The following PEAK1 variants were observed in gnomAD, a reference collection of about 807,000 sequenced individuals.
The protein encoded by PEAK1 is inactive tyrosine-protein kinase PEAK1.
Under a neutral mutation model 124.7 loss-of-function variants are expected in PEAK1, and 54 were observed. That is an observed-to-expected ratio of 0.43 (90% CI 0.35 to 0.54). PEAK1 has a LOEUF of 0.54. PEAK1 is among the 20% of genes least tolerant of loss of function. The pLI is 0.01. For synonymous variants in PEAK1, 719 were observed against 760.0 expected, an observed-to-expected ratio of 0.95 and a Z score of 0.89; for missense variants, 2,046 against 2,134.5, an observed-to-expected ratio of 0.96 and a Z score of 0.82.
intron 8 of PEAK1, among the ~76,000 whole-genome samples, chr15:77,153,144 T>C (rs2054804693): frequency 6.6e-6 from 1 of 152,222 alleles, no homozygotes; most frequent in African/African-American, 2.4e-5. Context: ...TAGTAAGCTA[T>C]TGATTATTGC....
intron 1 of PEAK1, among the ~76,000 whole-genome samples, chr15:77,404,975 C>A (rs898131824): frequency 6.6e-6 from 1 of 152,006 alleles, no homozygotes; most frequent in African/African-American, 2.4e-5. Flanking sequence ...TAAACTACAT[C>A]CCTATTATAT....
Position 77,267,190 on chromosome 15 carries a change from AC to A in PEAK1, c.-274-14665del, listed in dbSNP as rs1011151744. Among the ~76,000 whole-genome samples, 3 of 151,998 alleles carry A rather than the reference AC, an allele frequency of 2.0e-5. No individual in the cohort carries two copies. The East Asian group carries it at 5.8e-4, about 29-fold the overall frequency. ...GTAATTGCATTGGCCTGGGAAACACACCCCCATCCCCTACAGCAGCCACATC... is the reference window on the plus strand; with the variant it reads ...GTAATTGCATTGGCCTGGGAAACACACCCCATCCCCTACAGCAGCCACATC... On this transcript the variant is annotated intron_variant, in intron 5 of 9. Coordinates refer to ENST00000682557, the MANE Select transcript of PEAK1 (RefSeq NM_001385026.1).
chr15:77,229,562 T>C (rs2059814431), intron 6 of PEAK1, among the ~76,000 whole-genome samples: 1 of 152,202 alleles, frequency 6.6e-6, no homozygotes, highest in African/African-American at 2.4e-5. Flanking sequence ...TCAACATTAA[T>C]AACTTCTCTC....
chr15:77,311,679 C>A (rs1490329530), intron 2 of PEAK1, among the ~76,000 whole-genome samples: 3 of 88,496 alleles, frequency 3.4e-5, no homozygotes, highest in Non-Finnish European at 4.5e-5. Flanking sequence ...ACCCCCCCAA[C>A]CCCCACAAAA....
intron 1 of PEAK1, among the ~76,000 whole-genome samples, chr15:77,391,322 T>C (rs1366432978): frequency 2.0e-5 from 3 of 152,048 alleles, no homozygotes; most frequent in Non-Finnish European, 2.9e-5. Flanking sequence ...CAGTATTTAC[T>C]GCAAGCTGCT....
At chr15:77,327,518 T>C (rs1429901834) in intron 2 of PEAK1, among the ~76,000 whole-genome samples, 1 of 152,116 alleles carries the variant, frequency 6.6e-6, no homozygotes, top group Non-Finnish European at 1.5e-5. Flanking sequence ...ACAAGTTCTC[T>C]TTTATAATGT....
chr15:77,403,107 T>C (rs978382596), intron 1 of PEAK1: 12 of 985,280 alleles, frequency 1.2e-5, no homozygotes, highest in Non-Finnish European at 4.8e-6. Context: ...CCTTTCTAAA[T>C]TGGAGCCTTT....
At chr15:77,144,035 G>A (rs551695758) in intron 8 of PEAK1, among the ~76,000 whole-genome samples, 1 of 152,308 alleles carries the variant, frequency 6.6e-6, no homozygotes, top group Non-Finnish European at 1.5e-5. Flanking sequence ...GAGAGAAATG[G>A]AGAATTCCAA....
chr15:77,130,878 G>C (rs1167427030), intron 9 of PEAK1, among the ~76,000 whole-genome samples: 6 of 152,216 alleles, frequency 3.9e-5, no homozygotes. Context: ...TTAATGAAAT[G>C]AACAGTTATT....
intron 1 of PEAK1, among the ~76,000 whole-genome samples, chr15:77,388,961 T>TTTA (rs1168133951): frequency 8.1e-6 from 1 of 123,140 alleles, no homozygotes; most frequent in Admixed American, 7.6e-5. Flanking sequence ...CTTTTGCTTA[T>TTTA]TTTTTTTTTT....
At chr15:77,403,157 C>T (rs1385992162) in intron 1 of PEAK1, 5 of 985,210 alleles carry the variant, frequency 5.1e-6, no homozygotes, top group Admixed American at 6.2e-5. Context: ...TAAAATACTG[C>T]TACTTTGCCT....
intron 5 of PEAK1, among the ~76,000 whole-genome samples, chr15:77,261,284 T>C (rs1057302165): frequency 3.3e-5 from 5 of 152,238 alleles, no homozygotes; most frequent in Admixed American, 3.3e-4. Context: ...ATGACTTTGA[T>C]GAGTTGAGAG....
chr15:77,413,675 A>G (rs1243563683), intron 1 of PEAK1, among the ~76,000 whole-genome samples: 3 of 152,250 alleles, frequency 2.0e-5, no homozygotes, highest in Admixed American at 6.5e-5. Context: ...ATGGAAAAAG[A>G]ATACTAGAAA....
intron 6 of PEAK1, among the ~76,000 whole-genome samples, chr15:77,236,021 C>T (rs1312915024): frequency 6.6e-6 from 1 of 152,210 alleles, no homozygotes; most frequent in Non-Finnish European, 1.5e-5. Context: ...CAGAAACACT[C>T]GGATATCCAG....
At chr15:77,150,879 A>G (rs2054564477) in intron 8 of PEAK1, among the ~76,000 whole-genome samples, 2 of 152,108 alleles carry the variant, frequency 1.3e-5, no homozygotes, top group Non-Finnish European at 1.5e-5. Context: ...TCCATGGTGT[A>G]TATGTGCCAC....
intron 1 of PEAK1, chr15:77,402,875 C>T (rs1360123898): frequency 2.2e-5 from 22 of 985,170 alleles, no homozygotes; most frequent in Non-Finnish European, 2.7e-5. Flanking sequence ...CTTTCAATTG[C>T]TACAGATGAC....
At position 77,284,013 on chromosome 15, in the gene PEAK1, A is replaced by T. The variant is rs2062797762; in HGVS notation, c.-405T>A. On this transcript the variant is annotated 5_prime_UTR_variant, in exon 5 of 10. Coordinates refer to ENST00000682557, the MANE Select transcript of PEAK1 (RefSeq NM_001385026.1). Reference sequence around the variant, plus strand: ...TTCTCACAAAATGGTACTTCATTGAAGGATGTAATTAGTCTCACTAAAGCA... The same window carrying T: ...TTCTCACAAAATGGTACTTCATTGATGGATGTAATTAGTCTCACTAAAGCA... 6.1e-6 allele frequency: 6 copies of T among 985,198 alleles called. No individual in the cohort carries two copies. The Admixed American group carries it at 3.1e-4, about 50-fold the overall frequency. 61.0% of individuals were successfully genotyped at this position (985,198 alleles called of 1,614,324 possible).
chr15:77,407,567 C>T (rs2071935610), intron 1 of PEAK1, among the ~76,000 whole-genome samples: 1 of 152,102 alleles, frequency 6.6e-6, no homozygotes, highest in Admixed American at 6.5e-5. Context: ...AATGCAATAC[C>T]ACCTTACTCC....
chr15:77,298,356 C>A (rs2063618699), intron 2 of PEAK1, among the ~76,000 whole-genome samples: 3 of 150,360 alleles, frequency 2.0e-5, no homozygotes, highest in South Asian at 4.3e-4. Context: ...GTAGCTGGGA[C>A]TACAGGCGCC....
Sources: allele counts gnomAD v4.1 joint callset (sites outside exome capture counted in the v4.1 genomes callset), GRCh38; gene constraint gnomAD v4.1.1; transcripts MANE v1.5; gene names NCBI Gene and HGNC (gene_info 2026-07-23, HGNC 2026-07-21).